The following TFB2M variants were observed in gnomAD, a reference collection of about 807,000 sequenced individuals.
The protein encoded by TFB2M is dimethyladenosine transferase 2, mitochondrial.
A neutral mutation model predicts 41.3 loss-of-function variants in TFB2M; 44 were observed. The observed-to-expected ratio is 1.07, with a 90% confidence interval of 0.84 to 1.37. The LOEUF is 1.37. TFB2M is among the 40% of genes most tolerant of loss of function. TFB2M has a pLI of 0.00. For missense variants in TFB2M, 496 were observed against 490.2 expected, an observed-to-expected ratio of 1.01 and a Z score of -0.11; for synonymous variants, 188 against 176.8, an observed-to-expected ratio of 1.06 and a Z score of -0.50.
chr1:246,557,684 G>A (rs1302197276), intron 2 of TFB2M, 150 bp from the exon 3 acceptor site: 1 of 732,888 alleles, frequency 1.4e-6, no homozygotes, highest in Non-Finnish European at 2.1e-6. Context: ...GTTTTGTTTT[G>A]TTTTTGAGAG....
chr1:246,563,791 C>CA (rs1333651139), intron 2 of TFB2M, among the ~76,000 whole-genome samples: 1 of 152,002 alleles, frequency 6.6e-6, no homozygotes, highest in African/African-American at 2.4e-5. Flanking sequence ...GTATATGGAA[C>CA]AAAAAAGGAA....
At chr1:246,545,545 T>C (rs942440444) in intron 6 of TFB2M, among the ~76,000 whole-genome samples, 7 of 151,286 alleles carry the variant, frequency 4.6e-5, no homozygotes, top group Admixed American at 2.6e-4. Context: ...TTGCTTAATG[T>C]TTGCTATGAA....
In TFB2M at chr1:246,540,994, T is replaced by C; in HGVS notation, c.*37A>G. On this transcript the variant is annotated 3_prime_UTR_variant, in exon 8 of 8. Transcript: ENST00000366514. ...TGGTTTTCATGTCATAGTTTCCAAA[T>C]AAATGAACCGCTCCACCAAAAACGA... 6.4e-7 allele frequency: 1 copy of C among 1,569,440 alleles called. No homozygotes were observed. The highest frequency in any genetic ancestry group is 1.2e-5 in the South Asian group (1 of 84,562).
rs145781366 is a variant in TFB2M at position 246,564,382 on chromosome 1, C to G, written c.366G>C (p.Ala122=). Reference sequence around the variant, plus strand: ...GAATAAAAGTTTTGTCACTTTCGAGCGCAACCACTTTGGCACCAGCTTCAA... The same window carrying G: ...GAATAAAAGTTTTGTCACTTTCGAGGGCAACCACTTTGGCACCAGCTTCAA... ...ALLEAGAKVV[A]LESDKTFIPH... The change falls in exon 2 of 8, where the codon GCG becomes GCC. Residue 122 remains alanine (A), a synonymous_variant. Transcript: ENST00000366514. The G allele has an allele frequency of 1.9e-6, 3 of 1,614,030 alleles. No homozygotes were observed. The highest frequency in any genetic ancestry group is 2.5e-6 in the Non-Finnish European group (3 of 1,180,022).
At chr1:246,560,223 A>G (rs1558514594) in intron 2 of TFB2M, among the ~76,000 whole-genome samples, 1 of 152,216 alleles carries the variant, frequency 6.6e-6, no homozygotes, top group East Asian at 1.9e-4. Context: ...GCATTAACAT[A>G]ATCTTTCAAG....
chr1:246,560,509 G>C (rs1439213327), intron 2 of TFB2M, among the ~76,000 whole-genome samples: 1 of 152,192 alleles, frequency 6.6e-6, no homozygotes, highest in Non-Finnish European at 1.5e-5. Context: ...GGCAATGGGA[G>C]TGAGACCCTG....
At chr1:246,563,935 C>T (rs970732631) in intron 2 of TFB2M, among the ~76,000 whole-genome samples, 1 of 152,050 alleles carries the variant, frequency 6.6e-6, no homozygotes. Flanking sequence ...TGTATGCCAA[C>T]CTTTCTTGCC....
chr1:246,543,703 C>T (rs900270996), intron 7 of TFB2M, among the ~76,000 whole-genome samples: 1 of 152,106 alleles, frequency 6.6e-6, no homozygotes, highest in Admixed American at 6.6e-5. Context: ...GGAGGCCAAG[C>T]AAGGTGGATT....
intron 2 of TFB2M, among the ~76,000 whole-genome samples, chr1:246,562,396 T>C (rs1659479193): frequency 6.6e-6 from 1 of 152,210 alleles, no homozygotes; most frequent in South Asian, 2.1e-4. Context: ...AAAAATCTAT[T>C]TGGATGATGC....
At chr1:246,564,493 C>T (rs1558516230) in intron 1 of TFB2M, 59 bp from the exon 2 acceptor site, 1 of 1,493,650 alleles carries the variant, frequency 6.7e-7, no homozygotes, top group African/African-American at 1.4e-5. Context: ...TCTTTCAATA[C>T]CAAACTTTCA....
intron 2 of TFB2M, among the ~76,000 whole-genome samples, chr1:246,561,258 T>C (rs1213568301): frequency 2.0e-5 from 3 of 152,216 alleles, no homozygotes; most frequent in African/African-American, 7.2e-5. Flanking sequence ...TCAGTGCTAG[T>C]AGAAAATAAG....
At chr1:246,558,442 C>T (rs747829196) in intron 2 of TFB2M, among the ~76,000 whole-genome samples, 1 of 152,064 alleles carries the variant, frequency 6.6e-6, no homozygotes, top group South Asian at 2.1e-4. Context: ...CCACTGCACC[C>T]GGCCCCACTT....
At chr1:246,545,155 T>C (rs954331319) in intron 6 of TFB2M, among the ~76,000 whole-genome samples, 1 of 152,222 alleles carries the variant, frequency 6.6e-6, no homozygotes. Context: ...AATTGGTCTT[T>C]ACCAATGAAT....
intron 6 of TFB2M, among the ~76,000 whole-genome samples, chr1:246,545,097 T>C (rs12076950): frequency 0.23 from 35,479 of 151,432 alleles, 4,757 homozygotes; most frequent in Non-Finnish European, 0.3. Flanking sequence ...TGAGCCACCG[T>C]GCCCGGCCCA....
chr1:246,556,835 C>A, intron 3 of TFB2M, 114 bp from the exon 4 acceptor site: 1 of 890,358 alleles, frequency 1.1e-6, no homozygotes, highest in South Asian at 2.2e-5. Flanking sequence ...AAGTTTATTT[C>A]AATTAAAACT....
intron 4 of TFB2M, among the ~76,000 whole-genome samples, chr1:246,553,460 A>G (rs1285831685): frequency 2.0e-5 from 3 of 152,240 alleles, no homozygotes; most frequent in African/African-American, 7.2e-5. Flanking sequence ...ACTTGAACCC[A>G]GAAGTTCAAG....
intron 7 of TFB2M, among the ~76,000 whole-genome samples, chr1:246,542,432 G>C (rs1039874380): frequency 3.3e-5 from 5 of 151,988 alleles, no homozygotes; most frequent in East Asian, 3.9e-4. Context: ...CAGCACTTTG[G>C]GGGGCTAGGT....
At chr1:246,565,541 G>C (rs762767661) in intron 1 of TFB2M, among the ~76,000 whole-genome samples, 1 of 152,104 alleles carries the variant, frequency 6.6e-6, no homozygotes, top group Non-Finnish European at 1.5e-5. Context: ...GCGAAATCCC[G>C]TCTCTAGTAA....
At chr1:246,545,787 G>A (rs1317259202) in intron 6 of TFB2M, among the ~76,000 whole-genome samples, 1 of 146,996 alleles carries the variant, frequency 6.8e-6, no homozygotes, top group African/African-American at 2.6e-5. Flanking sequence ...ACTCCAGCCC[G>A]GGTGACAGAG....
Sources: allele counts gnomAD v4.1 joint callset (sites outside exome capture counted in the v4.1 genomes callset), GRCh38; gene constraint gnomAD v4.1.1; transcripts MANE v1.5; gene names NCBI Gene and HGNC (gene_info 2026-07-23, HGNC 2026-07-21).